The following KCNN2 variants were observed in gnomAD, a reference collection of about 807,000 sequenced individuals.
The protein encoded by KCNN2 is small conductance calcium-activated potassium channel protein 2.
In KCNN2, 24 loss-of-function variants were observed where a neutral mutation model predicts 55.5. That is an observed-to-expected ratio of 0.43 (90% CI 0.31 to 0.61). The LOEUF (loss-of-function observed/expected upper bound fraction) is 0.61, where lower values mean the gene tolerates loss of function less well. KCNN2 is among the 20% of genes least tolerant of loss of function. The pLI is 0.08. For missense variants in KCNN2, 754 were observed against 853.6 expected (o/e 0.88, Z 1.45); for synonymous variants, 431 against 336.1 (o/e 1.28, Z -3.09).
intron 2 of KCNN2, among the ~76,000 whole-genome samples, chr5:114,226,892 C>A (rs1184716302): frequency 9.2e-6 from 1 of 109,170 alleles, no homozygotes; most frequent in Non-Finnish European, 1.8e-5. Context: ...CACAGCGAGA[C>A]TCCGTCTCAA....
At chr5:114,398,191 G>T (rs1004488995) in intron 2 of KCNN2, among the ~76,000 whole-genome samples, 3 of 152,114 alleles carry the variant, frequency 2.0e-5, no homozygotes, top group African/African-American at 7.2e-5. Flanking sequence ...AACCCATTTA[G>T]AATTGATTTT....
intron 1 of KCNN2, among the ~76,000 whole-genome samples, chr5:114,195,724 T>TCA (rs916245700): frequency 4.6e-5 from 7 of 152,032 alleles, no homozygotes; most frequent in Non-Finnish European, 1.0e-4. Context: ...AAGGATGAAT[T>TCA]GTCACAGTGA....
intron 1 of KCNN2, among the ~76,000 whole-genome samples, chr5:114,060,149 G>A (rs534945394): frequency 2.6e-5 from 4 of 152,226 alleles, no homozygotes; most frequent in Non-Finnish European, 4.4e-5. Flanking sequence ...ATGCTGCTAT[G>A]AGTATGCAGC....
At chr5:114,092,925 A>G (rs993844995) in intron 1 of KCNN2, among the ~76,000 whole-genome samples, 6 of 152,158 alleles carry the variant, frequency 3.9e-5, no homozygotes, top group Non-Finnish European at 8.8e-5. Flanking sequence ...GGCTGCCGTG[A>G]AGACCTCTGA....
At chr5:114,193,543 G>A (rs1363446774) in intron 1 of KCNN2, among the ~76,000 whole-genome samples, 1 of 152,114 alleles carries the variant, frequency 6.6e-6, no homozygotes, top group African/African-American at 2.4e-5. Flanking sequence ...ACTCACTCTG[G>A]ATGAATAAAG....
At chr5:114,381,830 A>G (rs891768652) in intron 2 of KCNN2, among the ~76,000 whole-genome samples, 1 of 152,190 alleles carries the variant, frequency 6.6e-6, no homozygotes, top group Non-Finnish European at 1.5e-5. Flanking sequence ...TGTAAGCAAC[A>G]TAAGCTATGC....
chr5:114,396,551 C>CT lies in KCNN2; in HGVS notation c.1219-7872dup, dbSNP rs11293896. ...ATAAGCATAGTACCCAATAGGTAGT[C>CT]TTTTTTTTTTTTTTTGAGATGGAGT... On this transcript the variant is annotated intron_variant, in intron 2 of 7. Coordinates refer to ENST00000673685, the MANE Select transcript of KCNN2 (RefSeq NM_021614.4). Among the ~76,000 whole-genome samples the CT allele has an allele frequency of 5.5e-3, 768 of 140,436 alleles. 4 individuals carry two copies. Among genetic ancestry groups the CT allele is most frequent in the African/African-American group, 0.011 (428 of 38,106 alleles). The allele number at this position is 140,436 out of a possible 152,430, so 92.1% of individuals were successfully genotyped here.
intron 1 of KCNN2, among the ~76,000 whole-genome samples, chr5:114,159,143 C>A (rs1212098356): frequency 6.6e-6 from 1 of 152,076 alleles, no homozygotes; most frequent in East Asian, 1.9e-4. Context: ...GTGGTTTTGT[C>A]ATAGATAGCG....
At chr5:114,142,180 G>T (rs1009447691) in intron 1 of KCNN2, among the ~76,000 whole-genome samples, 5 of 152,044 alleles carry the variant, frequency 3.3e-5, no homozygotes, top group Non-Finnish European at 5.9e-5. Flanking sequence ...CATTGCTTTT[G>T]GTGTTTTAGA....
At position 114,250,308 on chromosome 5, in the gene KCNN2, A is replaced by G. The variant is rs568559929; in HGVS notation, c.-185+28743A>G. ...TTATCTTAACAGGTTTGGGTCTAGA[A>G]CTGGGGAACTTGACAGAGCTTCTTC... is the stretch of plus-strand genomic sequence containing the variant. On this transcript the variant is annotated intron_variant, in intron 2 of 10. Transcript: ENST00000512097. 4.6e-5 allele frequency among the ~76,000 whole-genome samples: 7 copies of G among 152,260 alleles called. No individual in the cohort carries two copies. In the South Asian group the frequency reaches 1.5e-3, roughly 32 times the overall value.
chr5:114,487,089 C>A lies in KCNN2; in HGVS notation c.1930C>A (p.Leu644Ile), dbSNP rs1258103574. ...AAANVLRETW[L>I]IYKNTKLVKK... Reference sequence around the variant, plus strand: ...TGCCAATGTACTCAGGGAAACATGGCTAATTTACAAAAATACAAAGCTAGT... The same window carrying A: ...TGCCAATGTACTCAGGGAAACATGGATAATTTACAAAAATACAAAGCTAGT... Residue 644 changes from leucine (L) to isoleucine (I), a missense_variant, in exon 6 of 8, where the codon CTA becomes ATA. Transcript: ENST00000673685. 6.2e-7 allele frequency: 1 copy of A among 1,612,732 alleles called. No individual in the cohort carries two copies. The highest frequency in any genetic ancestry group is 8.5e-7 in the Non-Finnish European group (1 of 1,179,096).
In KCNN2 at chr5:114,362,152, T is replaced by C. The variant is rs557251457; in HGVS notation, c.13T>C (p.Leu5=). 143 of 168,118 alleles carry C rather than the reference T, an allele frequency of 8.5e-4. 1 individual carries two copies. The highest frequency in any genetic ancestry group is 2.3e-3 in the African/African-American group (97 of 41,684). The allele number at this position is 168,118 out of a possible 1,614,324, so 10.4% of individuals were successfully genotyped here. Residue 5 remains leucine, a synonymous_variant, in exon 1 of 8, where the codon TTG becomes CTG. Transcript: ENST00000673685. ...TAACAGCCCTGACATGGAAACCCCATTGCAGTTCCAGCGCGGCTTCTTCCC... is the reference window on the plus strand; with the variant it reads ...TAACAGCCCTGACATGGAAACCCCACTGCAGTTCCAGCGCGGCTTCTTCCC... The part of the protein sequence containing the change: METP[L]QFQRGFFPEQ...
rs117775122 is a variant in KCNN2, at chr5:114,284,653, A to C, written c.-185+63088A>C. Among the ~76,000 whole-genome samples, 219 of 152,044 alleles carry C rather than the reference A, an allele frequency of 1.4e-3. 7 individuals are homozygous for C. The East Asian group carries it at 0.04, about 28-fold the overall frequency. Reference sequence around the variant, plus strand: ...CTGCCTCAGCCTCCCCAGTAGCTGGAATTAAAGGAATGCGCCACCATACCC... The same window carrying C: ...CTGCCTCAGCCTCCCCAGTAGCTGGCATTAAAGGAATGCGCCACCATACCC... On this transcript the variant is annotated intron_variant, in intron 2 of 10. Coordinates refer to the KCNN2 transcript ENST00000512097.
intron 1 of KCNN2, among the ~76,000 whole-genome samples, chr5:114,200,462 A>G (rs1315080661): frequency 6.6e-6 from 1 of 151,644 alleles, no homozygotes; most frequent in African/African-American, 2.4e-5. Context: ...TTTCTCTTGC[A>G]TCTCACTGAG....
At chr5:114,432,080 G>T (rs1759812045) in intron 3 of KCNN2, among the ~76,000 whole-genome samples, 1 of 152,350 alleles carries the variant, frequency 6.6e-6, no homozygotes, top group African/African-American at 2.4e-5. Flanking sequence ...ATGTCAGCTA[G>T]ATCCAGTTGA....
In KCNN2 at chr5:114,072,018, C is replaced by T. The variant is rs115133494; in HGVS notation, c.-271+15518C>T. ...TTATAAAAGCAAGGTCAAGGCTGGG[C>T]GTGGTGCCTCATGCCTGAAATCCCA... On this transcript the variant is annotated intron_variant, in intron 1 of 10. Coordinates refer to the KCNN2 transcript ENST00000512097. 6.6e-5 allele frequency among the ~76,000 whole-genome samples: 10 copies of T among 152,268 alleles called. No homozygotes were observed. The South Asian group carries it at 1.5e-3, about 22-fold the overall frequency.
At chr5:114,251,954 C>G (rs966764765) in intron 2 of KCNN2, among the ~76,000 whole-genome samples, 4 of 149,960 alleles carry the variant, frequency 2.7e-5, no homozygotes, top group East Asian at 4.0e-4. Flanking sequence ...TCTTGGCTCA[C>G]TGCAACCTCT....
chr5:114,412,520 G>A (rs1759168659), intron 3 of KCNN2, among the ~76,000 whole-genome samples: 1 of 152,156 alleles, frequency 6.6e-6, no homozygotes, highest in South Asian at 2.1e-4. Flanking sequence ...TATAACATAA[G>A]CCAGTTGTCA....
chr5:114,477,676 A>G (rs760854995), intron 5 of KCNN2, among the ~76,000 whole-genome samples: 46 of 152,292 alleles, frequency 3.0e-4, no homozygotes, highest in Non-Finnish European at 6.2e-4. Flanking sequence ...TTGGAAATAT[A>G]TTATTATTAC....
Sources: gnomAD v4.1 joint callset for allele counts (sites outside exome capture counted in the v4.1 genomes callset) on GRCh38, gnomAD v4.1.1 for gene constraint, MANE v1.5 for transcripts, NCBI Gene and HGNC (gene_info 2026-07-23, HGNC 2026-07-21) for gene names.